The following XKR4 variants were observed in gnomAD, a reference collection of about 807,000 sequenced individuals.
XKR4 encodes the protein XK-related protein 4.
A neutral mutation model predicts 53.9 loss-of-function variants in XKR4; 12 were observed. That is an observed-to-expected ratio of 0.22 (90% CI 0.14 to 0.36). XKR4 has a LOEUF of 0.36. Among genes scored for constraint, XKR4 ranks in the 10% least tolerant of loss-of-function variants. XKR4 has a pLI of 1.00. For missense variants in XKR4, 799 were observed against 859.5 expected, an observed-to-expected ratio of 0.93 and a Z score of 0.88; for synonymous variants, 354 against 362.4, an observed-to-expected ratio of 0.98 and a Z score of 0.26.
At chr8:55,435,273 T>C (rs995282956) in intron 2 of XKR4, among the ~76,000 whole-genome samples, 3 of 152,170 alleles carry the variant, frequency 2.0e-5, no homozygotes, top group African/African-American at 7.2e-5. Flanking sequence ...TTGCTCCTTA[T>C]TACCCATTGT....
chr8:55,157,093 T>C (rs1459895340), intron 1 of XKR4, among the ~76,000 whole-genome samples: 1 of 152,222 alleles, frequency 6.6e-6, no homozygotes, highest in East Asian at 1.9e-4. Context: ...CATGACCCAG[T>C]TGTCCTATGG....
intron 2 of XKR4, among the ~76,000 whole-genome samples, chr8:55,435,900 C>A (rs1272600459): frequency 3.9e-5 from 6 of 152,092 alleles, no homozygotes; most frequent in Non-Finnish European, 7.4e-5. Context: ...GCCCTGAAAC[C>A]CTCCACAGGA....
intron 1 of XKR4, among the ~76,000 whole-genome samples, chr8:55,284,666 C>G (rs781519559): frequency 2.0e-5 from 3 of 152,270 alleles, no homozygotes; most frequent in Non-Finnish European, 4.4e-5. Context: ...ATGTCCTAGT[C>G]ATGGGACATA....
intron 1 of XKR4, among the ~76,000 whole-genome samples, chr8:55,104,534 A>G (rs1277519765): frequency 6.6e-6 from 1 of 152,198 alleles, no homozygotes; most frequent in Non-Finnish European, 1.5e-5. Context: ...GACTAGAACC[A>G]CAAACTTCTT....
At chr8:55,237,305 C>A (rs969749600) in intron 1 of XKR4, among the ~76,000 whole-genome samples, 4 of 152,176 alleles carry the variant, frequency 2.6e-5, no homozygotes, top group African/African-American at 9.6e-5. Context: ...ACTTAAATAG[C>A]TTACTGTTGA....
At chr8:55,403,457 A>G (rs1244752808) in intron 2 of XKR4, among the ~76,000 whole-genome samples, 1 of 152,274 alleles carries the variant, frequency 6.6e-6, no homozygotes, top group Non-Finnish European at 1.5e-5. Context: ...CCTGTCAGTG[A>G]AGGACAAATA....
chr8:55,421,809 A>G (rs1585565507), intron 2 of XKR4, among the ~76,000 whole-genome samples: 1 of 152,320 alleles, frequency 6.6e-6, no homozygotes, highest in East Asian at 1.9e-4. Flanking sequence ...TTGTATTTAA[A>G]TTGAACTGAG....
At chr8:55,229,428 C>T (rs1200384213) in intron 1 of XKR4, among the ~76,000 whole-genome samples, 1 of 152,218 alleles carries the variant, frequency 6.6e-6, no homozygotes, top group East Asian at 1.9e-4. Flanking sequence ...TCGTTTCAGG[C>T]TTCGTGGTAT....
intron 2 of XKR4, among the ~76,000 whole-genome samples, chr8:55,411,439 C>T (rs1404302522): frequency 2.0e-5 from 3 of 152,202 alleles, no homozygotes; most frequent in Non-Finnish European, 4.4e-5. Flanking sequence ...CAACAGTCAA[C>T]AAGCACTCAG....
rs5891562 is a variant in XKR4 at position 55,219,011 on chromosome 8, C to CTTTTT, written c.806+115726_806+115730dup. 9.6e-5 allele frequency among the ~76,000 whole-genome samples: 14 copies of CTTTTT among 146,026 alleles called. No individual in the cohort carries two copies. In the Middle Eastern group the frequency reaches 0.018, roughly 186 times the overall value. On this transcript the variant is annotated intron_variant, in intron 1 of 2. Coordinates refer to ENST00000327381, the MANE Select transcript of XKR4 (RefSeq NM_052898.2). The stretch of plus-strand genomic sequence containing the variant: ...CCTCAAATCAAATTCTAGAAGCAGT[C>CTTTTT]TTTTTTTTTTTTTGTAAGATAGAAG...
chr8:55,419,496 G>A (rs935313483), intron 2 of XKR4, among the ~76,000 whole-genome samples: 4 of 152,072 alleles, frequency 2.6e-5, no homozygotes, highest in Admixed American at 2.0e-4. Flanking sequence ...AGTTCTAACC[G>A]TTTTCACTTT....
At chr8:55,280,306 C>G (rs985813193) in intron 1 of XKR4, among the ~76,000 whole-genome samples, 6 of 152,178 alleles carry the variant, frequency 3.9e-5, no homozygotes, top group Non-Finnish European at 7.3e-5. Flanking sequence ...GCCATCAGAT[C>G]TGCAACTGAG....
chr8:55,471,934 T>C (rs1167590105), intron 2 of XKR4, among the ~76,000 whole-genome samples: 1 of 152,166 alleles, frequency 6.6e-6, no homozygotes, highest in Non-Finnish European at 1.5e-5. Flanking sequence ...CAATTAAACC[T>C]CTTTTCTTTA....
At chr8:55,476,475 C>A (rs1050066556) in intron 2 of XKR4, among the ~76,000 whole-genome samples, 2 of 152,122 alleles carry the variant, frequency 1.3e-5, no homozygotes. Context: ...CAGCTCCCAG[C>A]GTGAGCGACA....
In XKR4 at chr8:55,523,210, C is replaced by T. The variant is rs1806825346; in HGVS notation, c.1007-71C>T. On this transcript the variant is annotated intron_variant, in intron 2 of 2. Transcript: ENST00000327381. ...AAGCCAGCCTTCCCCAAGCCCCCAG[C>T]TCTGTGTGACTTCCAGGGGGCATTG... 2.2e-6 allele frequency: 3 copies of T among 1,369,608 alleles called. No individual in the cohort carries two copies. The South Asian group carries it at 4.4e-5, about 20-fold the overall frequency. The allele number at this position is 1,369,608 out of a possible 1,614,324, so 84.8% of individuals were successfully genotyped here.
At chr8:55,118,136 G>C (rs1024860795) in intron 1 of XKR4, among the ~76,000 whole-genome samples, 2 of 152,012 alleles carry the variant, frequency 1.3e-5, no homozygotes, top group Non-Finnish European at 2.9e-5. Context: ...ACTATTCCTG[G>C]GATTGATGTG....
intron 1 of XKR4, among the ~76,000 whole-genome samples, chr8:55,343,681 G>T (rs974901884): frequency 2.0e-5 from 3 of 152,128 alleles, no homozygotes. Context: ...TTTCAAGAAA[G>T]TCCTCCTATT....
At position 55,445,597 on chromosome 8, in the gene XKR4, TAA is replaced by T. The variant is rs145866667; in HGVS notation, c.1007-77683_1007-77682del. On this transcript the variant is annotated intron_variant, in intron 2 of 2. Coordinates refer to ENST00000327381, the MANE Select transcript of XKR4 (RefSeq NM_052898.2). ...TGGCCTGAAATTATGTCTGCTAGGGTAAGTTTTTAGACCATGAACAGATAAAA... is the reference window on the plus strand; with the variant it reads ...TGGCCTGAAATTATGTCTGCTAGGGTGTTTTTAGACCATGAACAGATAAAA... Among the ~76,000 whole-genome samples, 356 of 152,128 alleles carry T rather than the reference TAA, an allele frequency of 2.3e-3. 4 individuals carry two copies. Among genetic ancestry groups the T allele is most frequent in the African/African-American group, 7.3e-3 (301 of 41,486 alleles).
rs1384143895 is a variant in XKR4, at chr8:55,432,973, C to A, written c.1006+75096C>A. On this transcript the variant is annotated intron_variant, in intron 2 of 2. Transcript: ENST00000327381. Reference sequence around the variant, plus strand: ...CATGTCCTGCTCTCGTGATCATGGCCTGCCCTCTGTGTCCAGCCTTCAAGG... The same window carrying A: ...CATGTCCTGCTCTCGTGATCATGGCATGCCCTCTGTGTCCAGCCTTCAAGG... Among the ~76,000 whole-genome samples the A allele has an allele frequency of 3.9e-5, 6 of 152,304 alleles. No homozygotes were observed. The East Asian group carries it at 1.2e-3, about 29-fold the overall frequency.
Sources: gnomAD v4.1 joint callset for allele counts (sites outside exome capture counted in the v4.1 genomes callset) on GRCh38, gnomAD v4.1.1 for gene constraint, MANE v1.5 for transcripts, NCBI Gene and HGNC (gene_info 2026-07-23, HGNC 2026-07-21) for gene names.